The following PPM1H variants were observed in gnomAD, a reference collection of about 807,000 sequenced individuals.
The protein encoded by PPM1H is protein phosphatase, Mg2+/Mn2+ dependent 1H, also known as protein phosphatase 1H.
A neutral mutation model predicts 54.9 loss-of-function variants in PPM1H; 27 were observed. The ratio of observed to expected loss-of-function variants is 0.49; its 90% CI spans 0.36 to 0.68. The LOEUF is 0.68. PPM1H is among the 30% of genes least tolerant of loss of function. The pLI, the probability that PPM1H is intolerant of heterozygous loss-of-function variation, is 0.00. For missense variants in PPM1H, 596 were observed against 667.8 expected (o/e 0.89, Z 1.19); for synonymous variants, 305 against 270.8 (o/e 1.13, Z -1.24).
intron 8 of PPM1H, among the ~76,000 whole-genome samples, chr12:62,671,513 A>G (rs751008561): frequency 6.6e-6 from 1 of 152,254 alleles, no homozygotes; most frequent in Non-Finnish European, 1.5e-5. Context: ...CACTGGGGAC[A>G]CAGTGACTAA....
intron 1 of PPM1H, among the ~76,000 whole-genome samples, chr12:62,856,758 A>T (rs1029869718): frequency 7.2e-5 from 11 of 152,212 alleles, no homozygotes; most frequent in African/African-American, 2.7e-4. Flanking sequence ...AACTGATGCC[A>T]AACAGGATCT....
intron 4 of PPM1H, among the ~76,000 whole-genome samples, chr12:62,787,337 G>T (rs1255290764): frequency 1.3e-5 from 2 of 152,160 alleles, no homozygotes; most frequent in African/African-American, 4.8e-5. Context: ...GCCCTTCGGG[G>T]GGAAGAGTCC....
chr12:62,924,589 C>T (rs1390926095), intron 1 of PPM1H, among the ~76,000 whole-genome samples: 2 of 152,132 alleles, frequency 1.3e-5, no homozygotes, highest in Non-Finnish European at 2.9e-5. Context: ...TTTTTCTAAG[C>T]TTTTCTCATA....
At chr12:62,683,073 TTATTATTATTA>T (rs1171071965) in intron 8 of PPM1H, among the ~76,000 whole-genome samples, 2 of 144,766 alleles carry the variant, frequency 1.4e-5, no homozygotes, top group Non-Finnish European at 3.0e-5. Context: ...ATTATTATTA[TTATTATTATTA>T]TTTTTGTAGA....
intron 6 of PPM1H, among the ~76,000 whole-genome samples, chr12:62,700,954 C>G (rs1045227473): frequency 3.9e-5 from 6 of 152,160 alleles, no homozygotes; most frequent in Non-Finnish European, 7.3e-5. Flanking sequence ...CACCACCTAA[C>G]AGTTAAAGAA....
chr12:62,715,023 G>A (rs1020979560), intron 6 of PPM1H, among the ~76,000 whole-genome samples: 1 of 152,286 alleles, frequency 6.6e-6, no homozygotes, highest in Admixed American at 6.5e-5. Flanking sequence ...GACATGGCAC[G>A]AAGTACGCTG....
At chr12:62,762,887 G>T (rs1319212596) in intron 4 of PPM1H, among the ~76,000 whole-genome samples, 2 of 152,222 alleles carry the variant, frequency 1.3e-5, no homozygotes, top group Non-Finnish European at 2.9e-5. Flanking sequence ...AGAAGGGAGA[G>T]GCTGGCAGGG....
At chr12:62,698,020 G>C (rs1048356012) in intron 6 of PPM1H, among the ~76,000 whole-genome samples, 2 of 152,038 alleles carry the variant, frequency 1.3e-5, no homozygotes, top group African/African-American at 4.8e-5. Context: ...CCCAAACTGA[G>C]AGGCATTATT....
At chr12:62,800,283 T>C in intron 3 of PPM1H, among the ~76,000 whole-genome samples, 1 of 152,188 alleles carries the variant, frequency 6.6e-6, no homozygotes, top group East Asian at 1.9e-4. Context: ...TCTAGCTGTT[T>C]TGACTTCATT....
chr12:62,807,264 C>T (rs1216061323), intron 2 of PPM1H, among the ~76,000 whole-genome samples: 1 of 152,060 alleles, frequency 6.6e-6, no homozygotes, highest in African/African-American at 2.4e-5. Context: ...GTAAGAATGA[C>T]AAAATCAATT....
intron 2 of PPM1H, among the ~76,000 whole-genome samples, chr12:62,803,296 T>C (rs2076783516): frequency 6.6e-6 from 1 of 152,206 alleles, no homozygotes; most frequent in South Asian, 2.1e-4. Context: ...ATGAGCACTT[T>C]TGAACCCATG....
At chr12:62,891,785 A>G (rs1870806081) in intron 1 of PPM1H, among the ~76,000 whole-genome samples, 1 of 152,204 alleles carries the variant, frequency 6.6e-6, no homozygotes. Context: ...TCTTCAGTGA[A>G]TATATTCTTT....
chr12:62,853,708 T>C (rs1002061823), intron 1 of PPM1H, among the ~76,000 whole-genome samples: 1 of 152,098 alleles, frequency 6.6e-6, no homozygotes, highest in African/African-American at 2.4e-5. Context: ...GGGTTTCCTA[T>C]GGGAAAAACT....
rs147519107 is a variant in PPM1H at position 62,673,516 on chromosome 12, G to A, written c.1246-6187C>T. 1.9e-4 allele frequency among the ~76,000 whole-genome samples: 29 copies of A among 152,092 alleles called. No individual in the cohort carries two copies. The East Asian group carries it at 5.6e-3, about 29-fold the overall frequency. ...CAAATCTCTGCCGCTTCTCTAGGAT[G>A]CCCTCACAGCTTTTGTGTCTTGATC... is the stretch of plus-strand genomic sequence containing the variant. On this transcript the variant is annotated intron_variant, in intron 8 of 9. Coordinates refer to ENST00000228705, the MANE Select transcript of PPM1H (RefSeq NM_020700.2).
At chr12:62,721,200 A>G (rs527753778) in intron 5 of PPM1H, among the ~76,000 whole-genome samples, 20 of 152,334 alleles carry the variant, frequency 1.3e-4, no homozygotes, top group African/African-American at 3.8e-4. Context: ...TGTATGGGTC[A>G]TAGGCATCTC....
At chr12:62,714,970 T>C (rs778835629) in intron 6 of PPM1H, among the ~76,000 whole-genome samples, 33 of 152,104 alleles carry the variant, frequency 2.2e-4, no homozygotes, top group Non-Finnish European at 3.7e-4. Flanking sequence ...CCCACACACA[T>C]GTCCCTCTGG....
At chr12:62,762,535 C>T (rs1462931408) in intron 4 of PPM1H, among the ~76,000 whole-genome samples, 1 of 152,200 alleles carries the variant, frequency 6.6e-6, no homozygotes, top group East Asian at 1.9e-4. Flanking sequence ...ATCCTTATAG[C>T]AGACACACCT....
chr12:62,832,784 C>T (rs374005598), intron 1 of PPM1H, among the ~76,000 whole-genome samples: 2 of 152,142 alleles, frequency 1.3e-5, no homozygotes, highest in East Asian at 1.9e-4. Context: ...CCATACCCCC[C>T]CATTTTTGCT....
At chr12:62,854,853 G>A (rs1354553421) in intron 1 of PPM1H, among the ~76,000 whole-genome samples, 16 of 152,146 alleles carry the variant, frequency 1.1e-4, no homozygotes, top group East Asian at 1.9e-4. Flanking sequence ...AAAAAATTTA[G>A]AAGTATGTTT....
Sources: allele counts gnomAD v4.1 joint callset (sites outside exome capture counted in the v4.1 genomes callset), GRCh38; gene constraint gnomAD v4.1.1; transcripts MANE v1.5; gene names NCBI Gene and HGNC (gene_info 2026-07-23, HGNC 2026-07-21).